The following SCAF11 variants were observed in gnomAD, a reference collection of about 807,000 sequenced individuals.
The protein encoded by SCAF11 is protein SCAF11.
In SCAF11, 47 loss-of-function variants were observed where a neutral mutation model predicts 140.5. The observed-to-expected ratio is 0.33, with a 90% CI of 0.26 to 0.43. The LOEUF is 0.43. Ranked by LOEUF, SCAF11 falls within the 20% of genes least tolerant of loss-of-function variation. SCAF11 has a pLI of 1.00. For synonymous variants in SCAF11, 557 were observed against 579.4 expected, an observed-to-expected ratio of 0.96 and a Z score of 0.55; for missense variants, 1,645 against 1,705.1, an observed-to-expected ratio of 0.96 and a Z score of 0.62.
intron 6 of SCAF11, among the ~76,000 whole-genome samples, chr12:45,944,197 TA>T (rs1312894300): frequency 2.0e-5 from 3 of 152,090 alleles, no homozygotes; most frequent in African/African-American, 7.2e-5. Context: ...ATGCTATTCA[TA>T]AAAAAAGAAT....
intron 1 of SCAF11, among the ~76,000 whole-genome samples, chr12:45,989,863 A>G (rs1342025383): frequency 2.6e-5 from 4 of 152,184 alleles, no homozygotes; most frequent in Admixed American, 6.5e-5. Flanking sequence ...GCTCGCGACC[A>G]AAGTCTCCCA....
At chr12:45,970,528 A>C (rs2136635684) in intron 1 of SCAF11, among the ~76,000 whole-genome samples, 1 of 152,366 alleles carries the variant, frequency 6.6e-6, no homozygotes. Flanking sequence ...GGGAAAGTAG[A>C]AGCAGTCTCT....
In SCAF11 at chr12:45,971,605, G is replaced by C. The variant is rs750597250; in HGVS notation, c.-21-7417C>G. Among the ~76,000 whole-genome samples the C allele has an allele frequency of 1.0e-3, 158 of 152,180 alleles. 1 individual carries two copies. The highest frequency in any genetic ancestry group is 5.6e-3 in the Admixed American group (86 of 15,282). On this transcript the variant is annotated intron_variant, in intron 1 of 14. Transcript: ENST00000369367. Reference sequence around the variant, plus strand: ...GGTAACAACAGAGAGCAAGCTCTAAGAGAATCCCTCTAAATATAAAGTGAG... The same window carrying C: ...GGTAACAACAGAGAGCAAGCTCTAACAGAATCCCTCTAAATATAAAGTGAG...
intron 1 of SCAF11, among the ~76,000 whole-genome samples, chr12:45,972,881 G>GAT (rs1272321485): frequency 1.6e-4 from 3 of 18,954 alleles, no homozygotes; most frequent in Admixed American, 7.2e-4. Flanking sequence ...TATATATATA[G>GAT]ATATATATAT....
At chr12:45,929,766 G>A (rs1244866431) in intron 10 of SCAF11, 1 of 152,170 alleles carries the variant, frequency 6.6e-6, no homozygotes, top group Non-Finnish European at 1.5e-5. Flanking sequence ...ATTGTGGAAT[G>A]ACCAAATCTA....
In SCAF11 at chr12:45,951,724, G is replaced by C. The variant is rs199797157; in HGVS notation, c.223C>G (p.Leu75Val). Residue 75 changes from leucine to valine, a missense_variant, in exon 4 of 15, where the codon CTG (leucine) becomes GTG (valine). This residue lies in a region of SCAF11 where 1,582 missense variants were observed against 1,609.2 expected (regional missense o/e 0.98). Transcript: ENST00000369367. ...MTCILKWAETLASCPIDRKPF... is the reference protein window; with the variant it reads ...MTCILKWAETVASCPIDRKPF... The stretch of plus-strand genomic sequence containing the variant: ...TTACGGTCAATAGGACATGAAGCCA[G>C]TGTCTGAAAAGTGATTAACAAATTA... The C allele has an allele frequency of 1.2e-4, 186 of 1,579,244 alleles. No individual in the cohort carries two copies. Among genetic ancestry groups the C allele is most frequent in the Non-Finnish European group, 1.1e-4 (131 of 1,157,230 alleles).
At chr12:45,967,214 C>A (rs1204588797) in intron 1 of SCAF11, among the ~76,000 whole-genome samples, 3 of 151,778 alleles carry the variant, frequency 2.0e-5, no homozygotes, top group Admixed American at 6.6e-5. Context: ...CACAGCAAGA[C>A]CCTGTTAAAA....
chr12:45,967,158 T>C (rs1945968578), intron 1 of SCAF11, among the ~76,000 whole-genome samples: 1 of 151,764 alleles, frequency 6.6e-6, no homozygotes, highest in East Asian at 1.9e-4. Flanking sequence ...GAGGCCGAGG[T>C]GGGAGGATCG....
chr12:45,930,974 T>C (rs1565663902), intron 10 of SCAF11: 1 of 152,274 alleles, frequency 6.6e-6, no homozygotes, highest in Non-Finnish European at 1.5e-5. Context: ...CCTATGTTGT[T>C]CAAGGGTCAA....
intron 6 of SCAF11, among the ~76,000 whole-genome samples, chr12:45,944,814 G>A (rs1292693602): frequency 1.3e-5 from 2 of 152,202 alleles, no homozygotes; most frequent in African/African-American, 4.8e-5. Flanking sequence ...CAAATTAGAA[G>A]TAAGGCTAGA....
intron 1 of SCAF11, among the ~76,000 whole-genome samples, chr12:45,976,783 C>A (rs867648553): frequency 1.3e-5 from 2 of 151,558 alleles, no homozygotes; most frequent in Non-Finnish European, 2.9e-5. Flanking sequence ...TAAACTTGCA[C>A]CTTAAACTAA....
intron 1 of SCAF11, among the ~76,000 whole-genome samples, chr12:45,976,113 A>G (rs1410514611): frequency 6.6e-6 from 1 of 152,182 alleles, no homozygotes; most frequent in Non-Finnish European, 1.5e-5. Flanking sequence ...ATATGTGTAC[A>G]TTTAACACAA....
intron 1 of SCAF11, among the ~76,000 whole-genome samples, chr12:45,983,182 T>C (rs1187489856): frequency 6.6e-6 from 1 of 152,204 alleles, no homozygotes; most frequent in Non-Finnish European, 1.5e-5. Context: ...AAGTGGTTTA[T>C]AAGATGTTTA....
At position 45,990,385 on chromosome 12, in the gene SCAF11, G is replaced by A; in HGVS notation, c.-54C>T. ...CGAGGTCGAGGCGCTCGGTCCGGCC[G>A]CGGCCCCACAGTAGGTTCCCAGGTC... On this transcript the variant is annotated 5_prime_UTR_variant, in exon 1 of 15. Transcript: ENST00000369367. 1 of 1,232,468 alleles carries A rather than the reference G, an allele frequency of 8.1e-7. No individual in the cohort carries two copies. The highest frequency in any genetic ancestry group is 1.0e-6 in the Non-Finnish European group (1 of 988,610). The allele number at this position is 1,232,468 out of a possible 1,614,324, so 76.3% of individuals were successfully genotyped here.
Position 45,928,809 on chromosome 12 carries a change from T to C in SCAF11, c.892A>G (p.Lys298Glu). 1 of 1,613,088 alleles carries C rather than the reference T, an allele frequency of 6.2e-7. No homozygotes were observed. Among genetic ancestry groups the C allele is most frequent in the Non-Finnish European group, 8.5e-7 (1 of 1,179,938 alleles). Residue 298 changes from lysine (K) to glutamate (E), a missense_variant, in exon 11 of 15, where the codon AAG (lysine) becomes GAG (glutamate). Transcript: ENST00000369367. ...TTTGATGTACCAGAAGTTTGCTTCTTTTCTTCCCCTTCTTGAGTATGTGCT... is the reference window on the plus strand; with the variant it reads ...TTTGATGTACCAGAAGTTTGCTTCTCTTCTTCCCCTTCTTGAGTATGTGCT... ...ALAHTQEGEEKKQTSGTSNTR... is the reference protein window; with the variant it reads ...ALAHTQEGEEEKQTSGTSNTR...
chr12:45,922,897 A>T lies in SCAF11; in HGVS notation c.4125+39T>A, dbSNP rs772024177. The T allele has an allele frequency of 4.5e-6, 7 of 1,565,074 alleles. No individual in the cohort carries two copies. In the South Asian group the frequency reaches 5.5e-5, roughly 12 times the overall value. The stretch of plus-strand genomic sequence containing the variant: ...GCTGATATTTTTTCTCCTTTATCAT[A>T]TACAGAATTATGAAGGTTGCTCTCA... On this transcript the variant is annotated intron_variant, in intron 13 of 14. Transcript: ENST00000369367.
At chr12:45,965,206 CGCCA>C (rs1445733993) in intron 1 of SCAF11, among the ~76,000 whole-genome samples, 10 of 151,994 alleles carry the variant, frequency 6.6e-5, no homozygotes, top group African/African-American at 2.4e-4. Context: ...AAGATAGATA[CGCCA>C]GCCAAGTATG....
chr12:45,945,534 GTCT>G (rs1382399272), intron 5 of SCAF11, among the ~76,000 whole-genome samples: 2 of 141,806 alleles, frequency 1.4e-5, no homozygotes, highest in Admixed American at 6.9e-5. Flanking sequence ...TATTATCTCA[GTCT>G]TTTTTTTTTT....
Position 45,924,992 on chromosome 12 carries a change from T to G in SCAF11, c.3642A>C (p.Val1214=). 6.2e-7 allele frequency: 1 copy of G among 1,614,208 alleles called. No homozygotes were observed. The highest frequency in any genetic ancestry group is 8.5e-7 in the Non-Finnish European group (1 of 1,180,022). ...GTTGTGCATTCATTTGTTGCTGCAT[T>G]ACATTCATTTGCGGTTGCATCATAT... ...PINMMQPQMN[V]MQQQMNAQHQ... The change falls in exon 12 of 15, where the codon GTA becomes GTC. Residue 1214 remains valine, a synonymous_variant. Coordinates refer to ENST00000369367, the MANE Select transcript of SCAF11 (RefSeq NM_004719.3).
Sources: gnomAD v4.1 joint callset for allele counts (sites outside exome capture counted in the v4.1 genomes callset) on GRCh38, gnomAD v4.1.1 for gene constraint, gnomAD v4.1.1 regional missense constraint, MANE v1.5 for transcripts, NCBI Gene and HGNC (gene_info 2026-07-23, HGNC 2026-07-21) for gene names.